The following WDR72 variants were observed in gnomAD, a reference collection of about 807,000 sequenced individuals.
WDR72 encodes the protein WD repeat domain 72.
A neutral mutation model predicts 124.2 loss-of-function variants in WDR72; 120 were observed. That is an observed-to-expected ratio of 0.97 (90% CI 0.83 to 1.12). The LOEUF is 1.12. Ranked by LOEUF, WDR72 falls within the 50% of genes most tolerant of loss-of-function variation. WDR72 has a pLI of 0.00. For missense variants in WDR72, 1,387 were observed against 1,278.8 expected, an observed-to-expected ratio of 1.08 and a Z score of -1.29; for synonymous variants, 452 against 441.7, an observed-to-expected ratio of 1.02 and a Z score of -0.29.
chr15:53,590,222 C>T (rs1906437), intron 18 of WDR72, among the ~76,000 whole-genome samples: 1 of 151,800 alleles, frequency 6.6e-6, no homozygotes, highest in South Asian at 2.1e-4. Flanking sequence ...TACCCCCAAC[C>T]CTTATTCCTT....
chr15:53,552,007 C>T (rs984100548), intron 18 of WDR72, among the ~76,000 whole-genome samples: 1 of 152,170 alleles, frequency 6.6e-6, no homozygotes, highest in South Asian at 2.1e-4. Flanking sequence ...GACCATTCAG[C>T]CATCTGCTGC....
intron 18 of WDR72, among the ~76,000 whole-genome samples, chr15:53,560,008 G>T (rs544091220): frequency 6.6e-6 from 1 of 152,054 alleles, no homozygotes; most frequent in East Asian, 1.9e-4. Flanking sequence ...ATGCAGTCCA[G>T]TGTTAAAGAG....
At position 53,710,786 on chromosome 15, in the gene WDR72, C is replaced by T. The variant is rs996312765; in HGVS notation, c.954+71G>A. The T allele has an allele frequency of 5.5e-6, 7 of 1,267,502 alleles. No homozygotes were observed. The African/African-American group carries it at 8.7e-5, about 16-fold the overall frequency. The allele number at this position is 1,267,502 out of a possible 1,614,324, so 78.5% of individuals were successfully genotyped here. On this transcript the variant is annotated intron_variant, in intron 9 of 19. Transcript: ENST00000360509. ...AATTTTTTCAAGCCTGATTCTGTGA[C>T]AGACAAAGCAACACTTATCCAAGAA...
At chr15:53,677,546 C>T (rs1371966426) in intron 13 of WDR72, among the ~76,000 whole-genome samples, 1 of 152,128 alleles carries the variant, frequency 6.6e-6, no homozygotes, top group Non-Finnish European at 1.5e-5. Context: ...ATCATGGGGT[C>T]AGGTCTTTCC....
chr15:53,644,171 C>A (rs2140416568), intron 14 of WDR72, among the ~76,000 whole-genome samples: 1 of 152,136 alleles, frequency 6.6e-6, no homozygotes, highest in Non-Finnish European at 1.5e-5. Flanking sequence ...TAGATAAGCA[C>A]AAACAAACGC....
intron 13 of WDR72, among the ~76,000 whole-genome samples, chr15:53,675,496 A>G (rs1404418790): frequency 6.6e-6 from 1 of 152,236 alleles, no homozygotes; most frequent in Non-Finnish European, 1.5e-5. Context: ...TTGTACAATT[A>G]TCTATTATAT....
intron 18 of WDR72, among the ~76,000 whole-genome samples, chr15:53,535,653 G>C (rs1465581178): frequency 1.3e-5 from 2 of 152,148 alleles, no homozygotes; most frequent in Non-Finnish European, 2.9e-5. Context: ...GTCCAATTTA[G>C]AGGCATTTGG....
At position 53,706,346 on chromosome 15, in the gene WDR72, G is replaced by GTGTA. The variant is rs1333399551; in HGVS notation, c.955-273_955-272insTACA. ...GTTATATGTGCGTGTGTGTGTGTGT[G>GTGTA]TGTGTATATATATATATATATATAT... On this transcript the variant is annotated intron_variant, in intron 9 of 19. Coordinates refer to ENST00000360509, the MANE Select transcript of WDR72 (RefSeq NM_182758.4). Among the ~76,000 whole-genome samples the GTGTA allele has an allele frequency of 1.0e-3, 100 of 97,998 alleles. 1 individual carries two copies. Among genetic ancestry groups the GTGTA allele is most frequent in the Non-Finnish European group, 1.8e-3 (82 of 44,478 alleles). 64.3% of individuals were successfully genotyped at this position (97,998 alleles called of 152,430 possible).
chr15:53,640,046 C>A (rs1437495682), intron 14 of WDR72, among the ~76,000 whole-genome samples: 1 of 152,018 alleles, frequency 6.6e-6, no homozygotes, highest in Non-Finnish European at 1.5e-5. Flanking sequence ...GATGTTATTC[C>A]AGGTCTTTTA....
intron 18 of WDR72, among the ~76,000 whole-genome samples, chr15:53,585,133 A>G (rs2012133156): frequency 6.6e-6 from 1 of 152,134 alleles, no homozygotes; most frequent in African/African-American, 2.4e-5. Context: ...GTCTATTTTC[A>G]CACTGCTATA....
At chr15:53,639,245 G>C (rs971148005) in intron 14 of WDR72, among the ~76,000 whole-genome samples, 2 of 151,936 alleles carry the variant, frequency 1.3e-5, no homozygotes, top group Non-Finnish European at 2.9e-5. Flanking sequence ...CCTATGTGCT[G>C]GGTGATGTGC....
At chr15:53,612,239 C>G (rs1474448527) in intron 16 of WDR72, among the ~76,000 whole-genome samples, 1 of 152,076 alleles carries the variant, frequency 6.6e-6, no homozygotes, top group African/African-American at 2.4e-5. Context: ...AGATATTGTT[C>G]TAGGAACCAG....
chr15:53,525,544 G>A (rs1892067779), intron 18 of WDR72, among the ~76,000 whole-genome samples: 1 of 152,024 alleles, frequency 6.6e-6, no homozygotes, highest in Non-Finnish European at 1.5e-5. Context: ...ACCTCACAGA[G>A]GAAGAGGACA....
chr15:53,703,391 C>G (rs2017243976), intron 11 of WDR72, among the ~76,000 whole-genome samples: 2 of 151,722 alleles, frequency 1.3e-5, no homozygotes, highest in Non-Finnish European at 2.9e-5. Context: ...AAAAGCAAAG[C>G]AAAATGTTTA....
rs78514207 is a variant in WDR72, at chr15:53,650,364, A to G, written c.1962+15208T>C. 4.4e-3 allele frequency among the ~76,000 whole-genome samples: 664 copies of G among 152,320 alleles called. 5 individuals are homozygous for G. Among genetic ancestry groups the G allele is most frequent in the African/African-American group, 0.015 (637 of 41,568 alleles). ...ATCTGCTGTACAACACTGTACCTAG[A>G]GTCAGCAATAACGTACTATACACTT... On this transcript the variant is annotated intron_variant, in intron 14 of 19. Coordinates refer to ENST00000360509, the MANE Select transcript of WDR72 (RefSeq NM_182758.4).
intron 17 of WDR72, among the ~76,000 whole-genome samples, chr15:53,607,608 C>T (rs1051645299): frequency 5.3e-5 from 8 of 151,934 alleles, no homozygotes; most frequent in Admixed American, 2.0e-4. Flanking sequence ...TTGGTTTGGG[C>T]AAAAATTTCC....
intron 1 of WDR72, among the ~76,000 whole-genome samples, chr15:53,758,951 T>C (rs1295779499): frequency 6.6e-6 from 1 of 152,082 alleles, no homozygotes; most frequent in African/African-American, 2.4e-5. Context: ...CTTTTCCAGA[T>C]TTTGTCAGCA....
chr15:53,647,102 T>C (rs2015069561), intron 14 of WDR72, among the ~76,000 whole-genome samples: 1 of 152,010 alleles, frequency 6.6e-6, no homozygotes, highest in South Asian at 2.1e-4. Context: ...TCAGAATTAT[T>C]TTTGTGCACA....
rs1393752687 is a variant in WDR72 at position 53,687,548 on chromosome 15, T to G, written c.1765+12202A>C. Among the ~76,000 whole-genome samples, 180 of 150,934 alleles carry G rather than the reference T, an allele frequency of 1.2e-3. 1 individual carries two copies. The highest frequency in any genetic ancestry group is 6.8e-3 in the Middle Eastern group (2 of 294). ...ATCTCTGAATAGACCAATAACAGGATCTGAAATTGTGGCAATAATCAATAG... is the reference window on the plus strand; with the variant it reads ...ATCTCTGAATAGACCAATAACAGGAGCTGAAATTGTGGCAATAATCAATAG... On this transcript the variant is annotated intron_variant, in intron 13 of 19. Coordinates refer to ENST00000360509, the MANE Select transcript of WDR72 (RefSeq NM_182758.4).
Sources: allele counts gnomAD v4.1 joint callset (sites outside exome capture counted in the v4.1 genomes callset), GRCh38; gene constraint gnomAD v4.1.1; transcripts MANE v1.5; gene names NCBI Gene and HGNC (gene_info 2026-07-23, HGNC 2026-07-21).